The following CHIC2 variants were observed in gnomAD, a reference collection of about 807,000 sequenced individuals.
The protein encoded by CHIC2 is cysteine rich hydrophobic domain 2.
A neutral mutation model predicts 25.9 loss-of-function variants in CHIC2; 14 were observed. The ratio of observed to expected loss-of-function variants is 0.54; its 90% CI spans 0.36 to 0.85. CHIC2 has a LOEUF of 0.85. CHIC2 is among the 40% of genes least tolerant of loss of function. The pLI is 0.01. For missense variants in CHIC2, 146 were observed against 202.0 expected, an observed-to-expected ratio of 0.72 and a Z score of 1.68; for synonymous variants, 70 against 72.0, an observed-to-expected ratio of 0.97 and a Z score of 0.14.
chr4:54,019,492 G>A (rs1469419793), intron 3 of CHIC2, among the ~76,000 whole-genome samples: 2 of 152,044 alleles, frequency 1.3e-5, no homozygotes, highest in African/African-American at 4.8e-5. Flanking sequence ...GTCTTAATAG[G>A]TGCTAATCTT....
At chr4:54,071,231 G>A in the CHIC2 span, among the ~76,000 whole-genome samples, 1 of 152,202 alleles carries the variant, frequency 6.6e-6, no homozygotes, top group East Asian at 1.9e-4. Context: ...TCCAAAGCTT[G>A]AAATGTTCCA....
the CHIC2 span, among the ~76,000 whole-genome samples, chr4:54,078,945 G>A: frequency 2.0e-5 from 3 of 150,864 alleles, no homozygotes; most frequent in East Asian, 2.0e-4. Flanking sequence ...AGCCGGGTGC[G>A]GTGGCTCATG....
At chr4:54,046,472 C>A (rs886907717) in intron 3 of CHIC2, among the ~76,000 whole-genome samples, 3 of 152,130 alleles carry the variant, frequency 2.0e-5, no homozygotes, top group Admixed American at 1.3e-4. Context: ...TGGAACAGAA[C>A]AGAGCCCTCA....
At chr4:54,029,093 A>C (rs1353213065) in intron 3 of CHIC2, among the ~76,000 whole-genome samples, 3 of 151,980 alleles carry the variant, frequency 2.0e-5, no homozygotes, top group African/African-American at 7.2e-5. Flanking sequence ...ACCGCACTCC[A>C]GCCTGCTGAC....
At chr4:54,037,324 GC>G (rs375931690) in intron 3 of CHIC2, among the ~76,000 whole-genome samples, 63 of 152,114 alleles carry the variant, frequency 4.1e-4, no homozygotes, top group African/African-American at 1.4e-3. Flanking sequence ...CTGAACTCCA[GC>G]CTCAGTGACA....
At chr4:54,060,032 A>T (rs1343011498) in intron 1 of CHIC2, 1 of 152,194 alleles carries the variant, frequency 6.6e-6, no homozygotes. Flanking sequence ...TTTTATTGAC[A>T]TGATTCTGTA....
At chr4:54,064,639 A>T (rs189117890), upstream of CHIC2, 2,243 of 1,077,748 alleles carry the variant, frequency 2.1e-3, 34 homozygotes, top group African/African-American at 0.033. This position sits in a 1 kb window ranked among gnomAD's most constrained non-coding sequence, Gnocchi z 4.2. Context: ...CAGCGGGAGC[A>T]GCCGGCTACG....
intron 1 of CHIC2, among the ~76,000 whole-genome samples, chr4:54,054,981 C>T (rs1293742625): frequency 6.6e-6 from 1 of 152,052 alleles, no homozygotes; most frequent in African/African-American, 2.4e-5. Context: ...ATTAAAAGGA[C>T]TCTGAAGGAG....
intron 1 of CHIC2, among the ~76,000 whole-genome samples, chr4:54,058,555 C>CACAG (rs1560398629): frequency 8.4e-6 from 1 of 119,248 alleles, no homozygotes; most frequent in African/African-American, 4.6e-5. Flanking sequence ...CACATACACA[C>CACAG]ACATACACAC....
chr4:54,039,658 A>G (rs1050541932), intron 3 of CHIC2, among the ~76,000 whole-genome samples: 1 of 152,180 alleles, frequency 6.6e-6, no homozygotes, highest in Non-Finnish European at 1.5e-5. Context: ...CAGTTTGGAG[A>G]TTTTTTATAA....
intron 3 of CHIC2, among the ~76,000 whole-genome samples, chr4:54,025,539 A>T (rs1392369760): frequency 6.6e-6 from 1 of 152,182 alleles, no homozygotes; most frequent in Non-Finnish European, 1.5e-5. Context: ...GCACGGATGC[A>T]TGAGACACTT....
chr4:54,057,104 A>C (rs1264266754), intron 1 of CHIC2, among the ~76,000 whole-genome samples: 1 of 152,170 alleles, frequency 6.6e-6, no homozygotes, highest in East Asian at 1.9e-4. Context: ...ACCAAAACAA[A>C]CATAAGAACT....
upstream of CHIC2, among the ~76,000 whole-genome samples, chr4:54,069,440 T>C (rs1717577215): frequency 6.6e-6 from 1 of 152,250 alleles, no homozygotes; most frequent in Non-Finnish European, 1.5e-5. Context: ...GTCGGGGTGC[T>C]CTGCTTTCCC....
chr4:54,039,336 G>A (rs1171488516), intron 3 of CHIC2, among the ~76,000 whole-genome samples: 1 of 151,828 alleles, frequency 6.6e-6, no homozygotes, highest in Non-Finnish European at 1.5e-5. Context: ...ATCTGCCAGG[G>A]GACTTATTTT....
the CHIC2 span, among the ~76,000 whole-genome samples, chr4:54,083,416 T>C: frequency 6.6e-6 from 1 of 152,210 alleles, no homozygotes; most frequent in Non-Finnish European, 1.5e-5. Flanking sequence ...ACTCAAAATG[T>C]TTACAACCAA....
At chr4:54,018,638 A>G (rs1301587416) in intron 3 of CHIC2, among the ~76,000 whole-genome samples, 1 of 152,114 alleles carries the variant, frequency 6.6e-6, no homozygotes, top group Non-Finnish European at 1.5e-5. Flanking sequence ...TTGAGAGCTA[A>G]AGAAAAAAAA....
rs1038159620 is a variant in CHIC2 at position 54,013,835 on chromosome 4, A to G, written c.447+2T>C. The G allele has an allele frequency of 6.2e-7, 1 of 1,612,836 alleles. No individual in the cohort carries two copies. Among genetic ancestry groups the G allele is most frequent in the East Asian group, 2.2e-5 (1 of 44,868 alleles). On this transcript the variant is annotated splice_donor_variant, in intron 5 of 5. Coordinates refer to ENST00000263921, the MANE Select transcript of CHIC2 (RefSeq NM_012110.4). LOFTEE classifies it high-confidence loss of function. ...AACTCACAAAACAGCCCTTTAACTT[A>G]CATATTCCATCATGTTATTCGTTTC... is the stretch of plus-strand genomic sequence containing the variant.
At chr4:54,073,186 G>T in the CHIC2 span, among the ~76,000 whole-genome samples, 1 of 152,126 alleles carries the variant, frequency 6.6e-6, no homozygotes, top group Non-Finnish European at 1.5e-5. Flanking sequence ...CTTTGCAGAG[G>T]CAGTCTCTCA....
the CHIC2 span, among the ~76,000 whole-genome samples, chr4:54,088,735 G>A: frequency 6.6e-6 from 1 of 152,206 alleles, no homozygotes; most frequent in Non-Finnish European, 1.5e-5. Flanking sequence ...GGCAAGTATA[G>A]GAAGAATGAA....
Sources: gnomAD v4.1 joint callset for allele counts (sites outside exome capture counted in the v4.1 genomes callset) on GRCh38, gnomAD v4.1.1 for gene constraint, Gnocchi (gnomAD v3.1) non-coding constraint, MANE v1.5 for transcripts, NCBI Gene and HGNC (gene_info 2026-07-23, HGNC 2026-07-21) for gene names.